The following TMEM38B variants were observed in gnomAD, a reference collection of about 807,000 sequenced individuals.
TMEM38B encodes the protein transmembrane protein 38B.
In TMEM38B, 24 loss-of-function variants were observed where a neutral mutation model predicts 28.7. The ratio of observed to expected loss-of-function variants is 0.84; its 90% confidence interval spans 0.61 to 1.18. TMEM38B has a LOEUF of 1.18. TMEM38B is among the 50% of genes most tolerant of loss of function. TMEM38B has a pLI of 0.00. For synonymous variants in TMEM38B, 131 were observed against 127.7 expected (o/e 1.03, Z -0.17); for missense variants, 380 against 350.9 (o/e 1.08, Z -0.66).
intron 5 of TMEM38B, among the ~76,000 whole-genome samples, chr9:105,748,487 C>G (rs1227172644): frequency 6.7e-6 from 1 of 150,248 alleles, no homozygotes; most frequent in Non-Finnish European, 1.5e-5. Flanking sequence ...GAAGATGATA[C>G]TGTCTCATTT....
intron 4 of TMEM38B, among the ~76,000 whole-genome samples, chr9:105,735,677 A>G (rs1164000961): frequency 6.6e-6 from 1 of 152,132 alleles, no homozygotes. Flanking sequence ...ATTCCCTTGT[A>G]TGTGACATGT....
chr9:105,755,525 G>A (rs1037152253), intron 5 of TMEM38B, among the ~76,000 whole-genome samples: 6 of 152,142 alleles, frequency 3.9e-5, no homozygotes, highest in Non-Finnish European at 8.8e-5. Context: ...TTCTTTTTCA[G>A]AATTGTTTGA....
At chr9:105,750,496 C>T (rs565709485) in intron 5 of TMEM38B, among the ~76,000 whole-genome samples, 24 of 152,254 alleles carry the variant, frequency 1.6e-4, no homozygotes, top group South Asian at 1.4e-3. Flanking sequence ...CGCCTGTAAT[C>T]CCAGCTACTC....
At chr9:105,699,424 C>T (rs1835390930) in intron 1 of TMEM38B, among the ~76,000 whole-genome samples, 1 of 152,176 alleles carries the variant, frequency 6.6e-6, no homozygotes, top group Non-Finnish European at 1.5e-5. Context: ...ACGTGTTACT[C>T]CTTGAGACTT....
chr9:105,712,873 C>T (rs910689503), intron 2 of TMEM38B, among the ~76,000 whole-genome samples: 15 of 152,228 alleles, frequency 9.9e-5, no homozygotes, highest in African/African-American at 3.4e-4. Context: ...AGGCTGGTTC[C>T]TGCACCGGCC....
At chr9:105,720,840 G>T (rs111806948) in intron 2 of TMEM38B, among the ~76,000 whole-genome samples, 208 of 152,152 alleles carry the variant, frequency 1.4e-3, no homozygotes, top group African/African-American at 4.8e-3. Flanking sequence ...GCTAGTATTC[G>T]AATAGATGCT....
chr9:105,709,250 A>C (rs1190854916), intron 2 of TMEM38B, among the ~76,000 whole-genome samples: 14 of 152,148 alleles, frequency 9.2e-5, no homozygotes, highest in Non-Finnish European at 2.1e-4. Context: ...AGGCTGAGTA[A>C]ACAATTTAAT....
chr9:105,740,172 C>A (rs1385401876), intron 4 of TMEM38B, among the ~76,000 whole-genome samples: 1 of 152,058 alleles, frequency 6.6e-6, no homozygotes, highest in Non-Finnish European at 1.5e-5. Context: ...TGTGAGCCAC[C>A]ACTCCTGGCC....
chr9:105,721,850 A>G (rs1034141726), intron 3 of TMEM38B, 129 bp downstream of exon 3: 1 of 696,072 alleles, frequency 1.4e-6, no homozygotes. Context: ...GAAGGTAAAA[A>G]CCTTGTTTCT....
At chr9:105,749,071 A>G in intron 5 of TMEM38B, 3 of 1,303,342 alleles carry the variant, frequency 2.3e-6, no homozygotes, top group Non-Finnish European at 3.0e-6. Flanking sequence ...TTTTTGTTTC[A>G]GTAGTCTCTG....
intron 4 of TMEM38B, among the ~76,000 whole-genome samples, chr9:105,728,130 A>G (rs111896073): frequency 1.3e-3 from 202 of 152,302 alleles, no homozygotes; most frequent in African/African-American, 4.6e-3. Context: ...TCTAGGGTAC[A>G]TGTGTACAAC....
Position 105,763,440 on chromosome 9 carries a change from A to C in TMEM38B, c.661-10425A>C, listed in dbSNP as rs571983859. On this transcript the variant is annotated intron_variant, in intron 5 of 5. Transcript: ENST00000374692. ...ACAGAAATACAAACTACCATCAGAG[A>C]ATACTACAAACACCTCTATGCAAAT... Among the ~76,000 whole-genome samples the C allele has an allele frequency of 2.2e-4, 33 of 152,304 alleles. 1 individual carries two copies. In the South Asian group the frequency reaches 6.8e-3, roughly 32 times the overall value.
intron 1 of TMEM38B, among the ~76,000 whole-genome samples, chr9:105,697,286 C>A (rs1835321533): frequency 6.6e-6 from 1 of 152,114 alleles, no homozygotes. Context: ...TCCTGAGATT[C>A]CATAATTTGA....
intron 1 of TMEM38B, among the ~76,000 whole-genome samples, chr9:105,695,431 G>A (rs1835255690): frequency 6.6e-6 from 1 of 152,206 alleles, no homozygotes; most frequent in South Asian, 2.1e-4. Flanking sequence ...CACTGTACAA[G>A]CAAGAGTTAC....
At chr9:105,727,438 A>G (rs1239498708) in intron 4 of TMEM38B, among the ~76,000 whole-genome samples, 1 of 152,180 alleles carries the variant, frequency 6.6e-6, no homozygotes, top group Non-Finnish European at 1.5e-5. Context: ...ATACAAGGTG[A>G]CTATCTCTTA....
At chr9:105,711,295 G>A (rs772619643) in intron 2 of TMEM38B, among the ~76,000 whole-genome samples, 98 of 152,020 alleles carry the variant, frequency 6.4e-4, no homozygotes, top group Non-Finnish European at 1.2e-3. Flanking sequence ...ACAAAAATTA[G>A]CTGAGCGTGG....
chr9:105,705,871 T>A, intron 2 of TMEM38B, 118 bp downstream of exon 2: 2 of 1,062,796 alleles, frequency 1.9e-6, no homozygotes, highest in South Asian at 3.6e-5. Flanking sequence ...TTAATGCATC[T>A]GCAAGGAAGG....
In TMEM38B at chr9:105,775,222, A is replaced by G. The variant is rs1826688067; in HGVS notation, c.*1142A>G. On this transcript the variant is annotated 3_prime_UTR_variant, in exon 6 of 6. Transcript: ENST00000374692. ...TTTGGTAGTAACCAGCTAACCAAGA[A>G]GAAACAGAGAAACCAGAACTTCATA... 6.6e-6 allele frequency: 1 copy of G among 152,140 alleles called. No homozygotes were observed. The highest frequency in any genetic ancestry group is 1.5e-5 in the Non-Finnish European group (1 of 67,972). The allele number at this position is 152,140 out of a possible 1,614,324, so 9.4% of individuals were successfully genotyped here.
intron 4 of TMEM38B, among the ~76,000 whole-genome samples, chr9:105,747,404 T>G (rs564756035): frequency 6.6e-6 from 1 of 152,220 alleles, no homozygotes. Flanking sequence ...TTTGTATTTC[T>G]GTGGGATCGG....
Sources: gnomAD v4.1 joint callset for allele counts (sites outside exome capture counted in the v4.1 genomes callset) on GRCh38, gnomAD v4.1.1 for gene constraint, MANE v1.5 for transcripts, NCBI Gene and HGNC (gene_info 2026-07-23, HGNC 2026-07-21) for gene names.